Variants in MFSD6 observed in about 807,000 individuals in gnomAD.
MFSD6 encodes major facilitator superfamily domain-containing protein 6.
A neutral mutation model predicts 56.3 loss-of-function variants in MFSD6; 26 were observed. The observed-to-expected ratio is 0.46, with a 90% CI of 0.34 to 0.64. The LOEUF (loss-of-function observed/expected upper bound fraction) is 0.64. Among genes scored for constraint, MFSD6 ranks in the 30% least tolerant of loss-of-function variants. The pLI is 0.01. For synonymous variants in MFSD6, 331 were observed against 366.9 expected (o/e 0.90, Z 1.12); for missense variants, 750 against 986.2 (o/e 0.76, Z 3.21).
Position 190,454,846 on chromosome 2 carries a change from G to T in MFSD6, c.1533-14912G>T, listed in dbSNP as rs1273302866. ...AGAAGACACTAGAATAGGGACCTATGGCCTAACATAGTGGGATGATGGTAG... is the reference window on the plus strand; with the variant it reads ...AGAAGACACTAGAATAGGGACCTATTGCCTAACATAGTGGGATGATGGTAG... On this transcript the variant is annotated intron_variant, in intron 3 of 7. Transcript: ENST00000392328. The surrounding 1 kb of genome is among the most constrained non-coding windows in gnomAD (Gnocchi z 4.6). 6.6e-6 allele frequency among the ~76,000 whole-genome samples: 1 copy of T among 152,040 alleles called. No homozygotes were observed. Among genetic ancestry groups the T allele is most frequent in the Non-Finnish European group, 1.5e-5 (1 of 68,030 alleles).
In MFSD6 at chr2:190,495,485, T is replaced by C. The variant is rs561169287; in HGVS notation, c.1892-1954T>C. ...ATACCACCATCATTCTTCACAGAAC[T>C]AGAAAAAACAATCCTAAATTTCATA... On this transcript the variant is annotated intron_variant, in intron 6 of 7. Coordinates refer to ENST00000392328, the MANE Select transcript of MFSD6 (RefSeq NM_017694.4). The surrounding 1 kb of genome is among the most constrained non-coding windows in gnomAD (Gnocchi z 4.7). Among the ~76,000 whole-genome samples, 1 of 152,162 alleles carries C rather than the reference T, an allele frequency of 6.6e-6. No individual in the cohort carries two copies. Among genetic ancestry groups the C allele is most frequent in the East Asian group, 1.9e-4 (1 of 5,182 alleles).
rs1016737790 is a variant in MFSD6, at chr2:190,485,541, GA to G, written c.1631-3108del. Among the ~76,000 whole-genome samples, 3 of 151,668 alleles carry G rather than the reference GA, an allele frequency of 2.0e-5. No individual in the cohort carries two copies. Among genetic ancestry groups the G allele is most frequent in the South Asian group, 2.1e-4 (1 of 4,812 alleles). ...GAGTTTTTCCCCCAGTGTGGTTAAT[GA>G]AAAAAAATCTGCATATGTGAAAAGA... is the stretch of plus-strand genomic sequence containing the variant. On this transcript the variant is annotated intron_variant, in intron 4 of 7. Coordinates refer to ENST00000392328, the MANE Select transcript of MFSD6 (RefSeq NM_017694.4). This position sits in a 1 kb window ranked among gnomAD's most constrained non-coding sequence, Gnocchi z 5.1.
At chr2:190,474,711 T>C (rs1377709546) in intron 4 of MFSD6, among the ~76,000 whole-genome samples, 5 of 152,192 alleles carry the variant, frequency 3.3e-5, no homozygotes, top group Admixed American at 6.5e-5. Flanking sequence ...CCCTAACTCA[T>C]TTTATGAGGC....
At position 190,413,140 on chromosome 2, in the gene MFSD6, A is replaced by T. The variant is rs1354117183; in HGVS notation, c.-175-2152A>T. Reference sequence around the variant, plus strand: ...AAAACTACATCCCAATGTTGTATGTATTCAAAGTAGCCTCTCCCTGCCTTG... The same window carrying T: ...AAAACTACATCCCAATGTTGTATGTTTTCAAAGTAGCCTCTCCCTGCCTTG... On this transcript the variant is annotated intron_variant, in intron 1 of 7. Transcript: ENST00000392328. The surrounding 1 kb of genome is among the most constrained non-coding windows in gnomAD (Gnocchi z 4.1). Among the ~76,000 whole-genome samples, 1 of 152,196 alleles carries T rather than the reference A, an allele frequency of 6.6e-6. No individual in the cohort carries two copies. The highest frequency in any genetic ancestry group is 1.9e-4 in the East Asian group (1 of 5,200).
rs867442015 is a variant in MFSD6 at position 190,492,865 on chromosome 2, A to G, written c.1891+2999A>G. On this transcript the variant is annotated intron_variant, in intron 6 of 7. Transcript: ENST00000392328. The surrounding 1 kb of genome is among the most constrained non-coding windows in gnomAD (Gnocchi z 5.2). ...CTCACCACCAAGCCAGCACTACAAG[A>G]GCTGAAAGGAGCTCTAAATCTTGAA... 6.6e-6 allele frequency among the ~76,000 whole-genome samples: 1 copy of G among 152,054 alleles called. No individual in the cohort carries two copies. The highest frequency in any genetic ancestry group is 2.4e-5 in the African/African-American group (1 of 41,380).
chr2:190,470,259 A>C (rs1237426663), intron 4 of MFSD6, among the ~76,000 whole-genome samples: 3 of 152,220 alleles, frequency 2.0e-5, no homozygotes, highest in Admixed American at 6.5e-5. Context: ...TAATTATTTT[A>C]TCTCTTCAGT....
At chr2:190,427,397 G>T (rs1685814743) in intron 2 of MFSD6, among the ~76,000 whole-genome samples, 1 of 152,162 alleles carries the variant, frequency 6.6e-6, no homozygotes, top group African/African-American at 2.4e-5. Flanking sequence ...TTTTTCTGTG[G>T]TATTTGGCTG....
rs1480866196 is a variant in MFSD6, at chr2:190,436,314, G to A, written c.285G>A (p.Gln95=). Residue 95 remains glutamine, a synonymous_variant, in exon 3 of 8, where the codon CAG becomes CAA. Transcript: ENST00000392328. This position sits in a 1 kb window ranked among gnomAD's most constrained non-coding sequence, Gnocchi z 5.3. ...LYPLLPVYYK[Q]LGMSPSQSGL... The stretch of plus-strand genomic sequence containing the variant: ...CCCTTTTGCCTGTGTATTACAAACA[G>A]CTGGGAATGTCTCCAAGCCAGAGTG... The A allele has an allele frequency of 1.2e-6, 2 of 1,614,146 alleles. No individual in the cohort carries two copies. Among genetic ancestry groups the A allele is most frequent in the Admixed American group, 1.7e-5 (1 of 60,024 alleles).
chr2:190,420,752 A>C (rs1301885831), intron 2 of MFSD6, among the ~76,000 whole-genome samples: 1 of 152,106 alleles, frequency 6.6e-6, no homozygotes, highest in East Asian at 1.9e-4. Context: ...TTATTTCATA[A>C]CTGTGTTTAT....
rs1426972235 is a variant in MFSD6 at position 190,426,623 on chromosome 2, C to T, written c.-53-9354C>T. On this transcript the variant is annotated intron_variant, in intron 2 of 7. Transcript: ENST00000392328. This position sits in a 1 kb window ranked among gnomAD's most constrained non-coding sequence, Gnocchi z 4.7. The stretch of plus-strand genomic sequence containing the variant: ...AACAGGTAACTTTTCAGCCCTCATC[C>T]CCCTCCCATTCTCCCCACTTTTGGA... Among the ~76,000 whole-genome samples the T allele has an allele frequency of 3.3e-5, 5 of 152,292 alleles. No homozygotes were observed. The East Asian group carries it at 7.7e-4, about 23-fold the overall frequency.
chr2:190,463,446 A>G lies in MFSD6; in HGVS notation c.1533-6312A>G, dbSNP rs573332547. ...CTCTAATCAGCAGCTGATGTCTGCC[A>G]CTCTGCCTACTCTAGGAAGACATCT... On this transcript the variant is annotated intron_variant, in intron 3 of 7. Coordinates refer to ENST00000392328, the MANE Select transcript of MFSD6 (RefSeq NM_017694.4). The surrounding 1 kb of genome is among the most constrained non-coding windows in gnomAD (Gnocchi z 4.4). Among the ~76,000 whole-genome samples the G allele has an allele frequency of 3.3e-4, 50 of 152,244 alleles. No homozygotes were observed. Among genetic ancestry groups the G allele is most frequent in the African/African-American group, 1.2e-3 (49 of 41,528 alleles).
chr2:190,473,854 T>C lies in MFSD6; in HGVS notation c.1630+3999T>C, dbSNP rs1444570500. 3.3e-5 allele frequency among the ~76,000 whole-genome samples: 5 copies of C among 152,268 alleles called. 1 individual carries two copies. The South Asian group carries it at 6.2e-4, about 19-fold the overall frequency. ...AGCAAATGTAAAAGAACAGAAATTA[T>C]AACAAACTGTCTCTCAGACCACAGT... On this transcript the variant is annotated intron_variant, in intron 4 of 7. Coordinates refer to ENST00000392328, the MANE Select transcript of MFSD6 (RefSeq NM_017694.4).
chr2:190,474,171 C>T (rs1355256605), intron 4 of MFSD6, among the ~76,000 whole-genome samples: 1 of 140,076 alleles, frequency 7.1e-6, no homozygotes, highest in Non-Finnish European at 1.7e-5. Flanking sequence ...GAAGCAAGAG[C>T]AAACACATTC....
rs188072262 is a variant in MFSD6, at chr2:190,485,185, G to A, written c.1631-3472G>A. Among the ~76,000 whole-genome samples the A allele has an allele frequency of 1.7e-4, 26 of 152,286 alleles. No individual in the cohort carries two copies. Among genetic ancestry groups the A allele is most frequent in the African/African-American group, 6.3e-4 (26 of 41,566 alleles). On this transcript the variant is annotated intron_variant, in intron 4 of 7. Transcript: ENST00000392328. The surrounding 1 kb of genome is among the most constrained non-coding windows in gnomAD (Gnocchi z 5.1). ...AGAAAATGATTAGAATTTCTGAGAG[G>A]GGGAAAATAGATACAAACCCTGTGG...
intron 3 of MFSD6, among the ~76,000 whole-genome samples, chr2:190,464,172 CACAAACTGTAG>C (rs1687478052): frequency 6.6e-6 from 1 of 152,194 alleles, no homozygotes; most frequent in Non-Finnish European, 1.5e-5. Context: ...GGGCTTGCAA[CACAAACTGTAG>C]ACAAGTGTCA....
intron 4 of MFSD6, among the ~76,000 whole-genome samples, chr2:190,474,359 C>T (rs1309402156): frequency 1.2e-4 from 18 of 151,914 alleles, no homozygotes; most frequent in Admixed American, 3.3e-4. Context: ...ATCAAATAGA[C>T]GCAATAAAAA....
Position 190,436,290 on chromosome 2 carries a change from C to T in MFSD6, c.261C>T (p.Pro87=). The T allele has an allele frequency of 1.2e-6, 2 of 1,614,070 alleles. No homozygotes were observed. Among genetic ancestry groups the T allele is most frequent in the South Asian group, 1.1e-5 (1 of 91,080 alleles). ...ACTCTGCCTATGGCTCTCTCTATCC[C>T]CTTTTGCCTGTGTATTACAAACAGC... ...FFYSAYGSLY[P]LLPVYYKQLG... The change falls in exon 3 of 8, where the codon CCC becomes CCT. Residue 87 remains proline, a synonymous_variant. Coordinates refer to ENST00000392328, the MANE Select transcript of MFSD6 (RefSeq NM_017694.4). The surrounding 1 kb of genome is among the most constrained non-coding windows in gnomAD (Gnocchi z 5.3).
rs146565718 is a variant in MFSD6, at chr2:190,412,279, G to A, written c.-175-3013G>A. On this transcript the variant is annotated intron_variant, in intron 1 of 7. Transcript: ENST00000392328. The surrounding 1 kb of genome is among the most constrained non-coding windows in gnomAD (Gnocchi z 4.1). ...AACTTGGTTAATTATCATTGTGGTA[G>A]TAGGTAATCTTGAGAAAGAGGGAAT... is the stretch of plus-strand genomic sequence containing the variant. 4.7e-4 allele frequency: 467 copies of A among 983,422 alleles called. 2 individuals are homozygous for A. The African/African-American group carries it at 7.9e-3, about 17-fold the overall frequency. 60.9% of individuals were successfully genotyped at this position (983,422 alleles called of 1,614,324 possible).
rs780503787 is a variant in MFSD6 at position 190,447,064 on chromosome 2, GTCTC to G, written c.1532+9509_1532+9512del. Among the ~76,000 whole-genome samples the G allele has an allele frequency of 6.6e-6, 1 of 151,492 alleles. No individual in the cohort carries two copies. The highest frequency in any genetic ancestry group is 1.5e-5 in the Non-Finnish European group (1 of 67,878). On this transcript the variant is annotated intron_variant, in intron 3 of 7. Transcript: ENST00000392328. The surrounding 1 kb of genome is among the most constrained non-coding windows in gnomAD (Gnocchi z 4.5). Reference sequence around the variant, plus strand: ...TTTCAGAGAAAACTAAAAATATGCAGTCTCTCTCTGATTCATAGGCTCAGTAAAA... The same window carrying G: ...TTTCAGAGAAAACTAAAAATATGCAGTCTCTGATTCATAGGCTCAGTAAAA...
Sources: allele counts gnomAD v4.1 joint callset (sites outside exome capture counted in the v4.1 genomes callset), GRCh38; gene constraint gnomAD v4.1.1; non-coding constraint Gnocchi (gnomAD v3.1); transcripts MANE v1.5; gene names NCBI Gene and HGNC (gene_info 2026-07-23, HGNC 2026-07-21).